SAMD12: variants seen among roughly 807,000 people sequenced by gnomAD.
The protein encoded by SAMD12 is sterile alpha motif domain-containing protein 12.
Under a neutral mutation model 15.0 loss-of-function variants are expected in SAMD12, and 9 were observed. That is an observed-to-expected ratio of 0.60 (90% confidence interval 0.36 to 1.05). SAMD12 has a LOEUF of 1.05. SAMD12 is among the 50% of genes least tolerant of loss of function. The pLI, the probability that SAMD12 is intolerant of heterozygous loss-of-function variation, is 0.01. For missense variants in SAMD12, 230 were observed against 234.2 expected (o/e 0.98, Z 0.12); for synonymous variants, 86 against 90.1 (o/e 0.96, Z 0.25).
At chr8:118,347,392 A>C (rs1817718663) in intron 4 of SAMD12, among the ~76,000 whole-genome samples, 1 of 152,222 alleles carries the variant, frequency 6.6e-6, no homozygotes. Flanking sequence ...CCAAAACCCA[A>C]GTTTTCTAGA....
In SAMD12 at chr8:118,332,750, C is replaced by T. The variant is rs138692886; in HGVS notation, c.433+46810G>A. On this transcript the variant is annotated intron_variant, in intron 4 of 4. Coordinates refer to the SAMD12 transcript ENST00000409003. Reference sequence around the variant, plus strand: ...TGCTTTTCTGCTTTTCTCTCTACTTCGGTCTTAGCCCTCATACTTGCCCCA... The same window carrying T: ...TGCTTTTCTGCTTTTCTCTCTACTTTGGTCTTAGCCCTCATACTTGCCCCA... 2.8e-3 allele frequency among the ~76,000 whole-genome samples: 420 copies of T among 152,324 alleles called. 1 individual carries two copies. The highest frequency in any genetic ancestry group is 9.6e-3 in the African/African-American group (399 of 41,584).
chr8:118,507,132 A>T (rs187217159), intron 2 of SAMD12, among the ~76,000 whole-genome samples: 2 of 152,116 alleles, frequency 1.3e-5, no homozygotes, highest in African/African-American at 2.4e-5. Context: ...GAATTCTACA[A>T]CGCAGTCACA....
At chr8:118,295,731 T>C (rs1261411803) in intron 4 of SAMD12, 2 of 150,800 alleles carry the variant, frequency 1.3e-5, no homozygotes, top group Non-Finnish European at 2.9e-5. Context: ...CTTACTGCAG[T>C]CCCAACCTCC....
intron 4 of SAMD12, among the ~76,000 whole-genome samples, chr8:118,372,957 T>A (rs1287126306): frequency 6.6e-6 from 1 of 152,008 alleles, no homozygotes; most frequent in South Asian, 2.1e-4. Context: ...AAGGCAAAAC[T>A]GTAGGGATGG....
At chr8:118,148,787 G>A in the SAMD12 span, among the ~76,000 whole-genome samples, 98 of 152,240 alleles carry the variant, frequency 6.4e-4, no homozygotes, top group African/African-American at 2.3e-3. Context: ...TGTCATATGT[G>A]GTTATTTACA....
chr8:118,333,902 T>C (rs1169922848), intron 4 of SAMD12, among the ~76,000 whole-genome samples: 3 of 139,130 alleles, frequency 2.2e-5, no homozygotes, highest in Non-Finnish European at 4.6e-5. Flanking sequence ...TATGTGTGTG[T>C]GTGTGTGCAC....
At chr8:118,588,133 G>T (rs1401041891) in intron 1 of SAMD12, among the ~76,000 whole-genome samples, 1 of 152,064 alleles carries the variant, frequency 6.6e-6, no homozygotes, top group East Asian at 1.9e-4. Context: ...GCTTAGCTGG[G>T]GTCCTAAGGT....
the SAMD12 span, among the ~76,000 whole-genome samples, chr8:118,182,106 T>C: frequency 1.3e-5 from 2 of 152,332 alleles, no homozygotes; most frequent in African/African-American, 4.8e-5. Flanking sequence ...AAAACCTTTA[T>C]TGCATATGCT....
intron 4 of SAMD12, among the ~76,000 whole-genome samples, chr8:118,364,381 T>G (rs1818660741): frequency 6.6e-6 from 1 of 152,144 alleles, no homozygotes; most frequent in African/African-American, 2.4e-5. Flanking sequence ...TAGGTGATAG[T>G]GTTAGATGGG....
the SAMD12 span, among the ~76,000 whole-genome samples, chr8:118,148,379 T>A: frequency 6.6e-6 from 1 of 152,206 alleles, no homozygotes; most frequent in Non-Finnish European, 1.5e-5. Context: ...TTTGGGTATG[T>A]ATATATTCAG....
chr8:118,403,221 A>C (rs1335544388), intron 3 of SAMD12, among the ~76,000 whole-genome samples: 1 of 152,260 alleles, frequency 6.6e-6, no homozygotes, highest in East Asian at 1.9e-4. Flanking sequence ...TCACTGTTGC[A>C]ACTGGGCTAA....
intron 4 of SAMD12, among the ~76,000 whole-genome samples, chr8:118,268,737 G>A (rs1252166063): frequency 3.3e-5 from 5 of 152,098 alleles, no homozygotes; most frequent in African/African-American, 9.7e-5. Context: ...TCACTTGAAC[G>A]TTGGAGGTGG....
intron 4 of SAMD12, among the ~76,000 whole-genome samples, chr8:118,339,082 T>G (rs1586559352): frequency 6.6e-6 from 1 of 152,102 alleles, no homozygotes; most frequent in African/African-American, 2.4e-5. Context: ...TCCCAGCATT[T>G]TGGGAGGCTG....
chr8:118,376,000 A>G (rs888656940), downstream of SAMD12: 32 of 152,264 alleles, frequency 2.1e-4, no homozygotes, highest in Admixed American at 1.2e-3. Flanking sequence ...AGATCCTACC[A>G]TATTAGTATT....
chr8:118,546,991 C>T (rs1166610214), intron 2 of SAMD12, among the ~76,000 whole-genome samples: 3 of 152,106 alleles, frequency 2.0e-5, no homozygotes, highest in African/African-American at 4.8e-5. Context: ...AAAAGAAGGA[C>T]AAAAGCCATA....
chr8:118,525,567 T>C (rs77406764), intron 2 of SAMD12, among the ~76,000 whole-genome samples: 5,220 of 152,234 alleles, frequency 0.034, 134 homozygotes, highest in Non-Finnish European at 0.051. Flanking sequence ...GTGCATCAGG[T>C]GCTTCTAACT....
downstream of SAMD12, among the ~76,000 whole-genome samples, chr8:118,184,582 G>A (rs571305166): frequency 3.3e-5 from 5 of 151,992 alleles, no homozygotes; most frequent in South Asian, 4.2e-4. Context: ...TGCAACCTCC[G>A]GCTCCCCAGT....
chr8:118,580,636 A>G, intron 2 of SAMD12, 79 bp downstream of exon 2: 3 of 968,554 alleles, frequency 3.1e-6, no homozygotes, highest in Non-Finnish European at 4.8e-6. Context: ...AAGCACTATC[A>G]GCTCTTCTCT....
chr8:118,590,488 A>G lies in SAMD12; in HGVS notation c.14-9595T>C, dbSNP rs531512514. ...TGAGAGGTGAGCCTTCCTTCCTGCG[A>G]TTGTGTCAGAGGAAGTCTGGTAGAC... is the stretch of plus-strand genomic sequence containing the variant. On this transcript the variant is annotated intron_variant, in intron 1 of 3. Transcript: ENST00000314727. Among the ~76,000 whole-genome samples the G allele has an allele frequency of 2.6e-5, 4 of 152,334 alleles. No homozygotes were observed. In the East Asian group the frequency reaches 7.7e-4, roughly 29 times the overall value.
Sources: gnomAD v4.1 joint callset for allele counts (sites outside exome capture counted in the v4.1 genomes callset) on GRCh38, gnomAD v4.1.1 for gene constraint, MANE v1.5 for transcripts, NCBI Gene and HGNC (gene_info 2026-07-23, HGNC 2026-07-21) for gene names.